Variants in CLASP1 observed in about 807,000 individuals in gnomAD.
CLASP1 encodes CLIP-associating protein 1.
CLASP1 carries 38 observed loss-of-function variants against 192.3 expected under a neutral mutation model. That is an observed-to-expected ratio of 0.20 (90% CI 0.15 to 0.26). The LOEUF is 0.26. Among genes scored for constraint, CLASP1 ranks in the 10% least tolerant of loss-of-function variants. The pLI is 1.00. For synonymous variants in CLASP1, 691 were observed against 712.8 expected, an observed-to-expected ratio of 0.97 and a Z score of 0.49; for missense variants, 1,433 against 1,932.5, an observed-to-expected ratio of 0.74 and a Z score of 4.85.
In CLASP1 at chr2:121,478,983, C is replaced by CCACACACCCCACA. The variant is rs1559370202; in HGVS notation, c.713-9036_713-9024dup. Among the ~76,000 whole-genome samples, 32 of 40,790 alleles carry CCACACACCCCACA rather than the reference C, an allele frequency of 7.8e-4. 1 individual carries two copies. Among genetic ancestry groups the CCACACACCCCACA allele is most frequent in the African/African-American group, 4.2e-3 (28 of 6,718 alleles). 26.8% of individuals were successfully genotyped at this position (40,790 alleles called of 152,430 possible). ...ACACACCACACACACCACACACACA[C>CCACACACCCCACA]CACACACCCCACACACACACCACAC... On this transcript the variant is annotated intron_variant, in intron 8 of 39. Transcript: ENST00000263710.
intron 2 of CLASP1, among the ~76,000 whole-genome samples, chr2:121,562,469 A>G (rs1004659958): frequency 2.6e-5 from 4 of 152,178 alleles, no homozygotes; most frequent in African/African-American, 9.7e-5. Flanking sequence ...GTCATCCAGC[A>G]AAGAACAAAT....
intron 19 of CLASP1, among the ~76,000 whole-genome samples, chr2:121,441,840 G>A (rs1439783661): frequency 6.6e-6 from 1 of 151,994 alleles, no homozygotes; most frequent in Admixed American, 6.6e-5. Flanking sequence ...TTTCCACTGT[G>A]TAAAAAGGAC....
chr2:121,392,220 G>A (rs2074484754), intron 30 of CLASP1, among the ~76,000 whole-genome samples: 1 of 152,086 alleles, frequency 6.6e-6, no homozygotes, highest in Non-Finnish European at 1.5e-5. Context: ...CAAACATACA[G>A]GCATTTTAAA....
exon 12 of CLASP1, chr2:121,460,059 G>A (rs1450439424): frequency 1.2e-6 from 2 of 1,613,486 alleles, no homozygotes; most frequent in East Asian, 2.2e-5. Flanking sequence ...TCCAAAAGAC[G>A]CAAATGTTGA....
chr2:121,439,931 C>T (rs1198293957), intron 19 of CLASP1, among the ~76,000 whole-genome samples: 1 of 90,650 alleles, frequency 1.1e-5, no homozygotes, highest in Non-Finnish European at 2.0e-5. Context: ...CTGGGACTGT[C>T]GTGGGGTGGG....
chr2:121,399,560 C>A (rs980546384), intron 28 of CLASP1, among the ~76,000 whole-genome samples: 17 of 152,192 alleles, frequency 1.1e-4, no homozygotes, highest in African/African-American at 4.1e-4. Flanking sequence ...AAGCAATTCT[C>A]AGCCATCACT....
chr2:121,403,896 T>C (rs915798679), intron 26 of CLASP1: 11 of 444,134 alleles, frequency 2.5e-5, no homozygotes, highest in Non-Finnish European at 4.5e-5. Context: ...TCCTATTTTA[T>C]GAAATAACCT....
intron 19 of CLASP1, among the ~76,000 whole-genome samples, chr2:121,437,710 TC>T (rs1205353756): frequency 2.0e-5 from 3 of 152,348 alleles, no homozygotes; most frequent in African/African-American, 7.2e-5. Flanking sequence ...AACTTTTTGT[TC>T]ACTAATGATG....
exon 39 of CLASP1, chr2:121,347,089 G>A (rs770669074): frequency 4.4e-6 from 7 of 1,587,328 alleles, no homozygotes; most frequent in African/African-American, 2.7e-5. Flanking sequence ...CTCCGATTAC[G>A]GAATAAATTG....
At chr2:121,431,811 T>C (rs1285868119) in intron 19 of CLASP1, among the ~76,000 whole-genome samples, 2 of 152,082 alleles carry the variant, frequency 1.3e-5, no homozygotes, top group Non-Finnish European at 2.9e-5. Context: ...GTTTTACATA[T>C]TTAGAACGTT....
intron 2 of CLASP1, among the ~76,000 whole-genome samples, chr2:121,598,900 C>T (rs966295254): frequency 6.6e-5 from 10 of 152,210 alleles, no homozygotes; most frequent in African/African-American, 2.4e-4. Flanking sequence ...GAGTCTCACT[C>T]TATTGCCCAG....
At chr2:121,639,863 C>CAAAA (rs34338582) in intron 1 of CLASP1, among the ~76,000 whole-genome samples, 1 of 62,406 alleles carries the variant, frequency 1.6e-5, no homozygotes, top group African/African-American at 5.2e-5. Flanking sequence ...AACTCCATCT[C>CAAAA]AAAAAAAAAA....
intron 25 of CLASP1, among the ~76,000 whole-genome samples, chr2:121,404,668 G>A (rs1018614645): frequency 2.0e-5 from 3 of 151,946 alleles, no homozygotes; most frequent in African/African-American, 7.3e-5. Context: ...TACATAATTC[G>A]TATCTACATA....
intron 20 of CLASP1, among the ~76,000 whole-genome samples, chr2:121,427,716 G>T (rs149887188): frequency 2.0e-5 from 3 of 152,292 alleles, no homozygotes; most frequent in African/African-American, 7.2e-5. Context: ...GGAAGTGATT[G>T]TAACTTACTC....
exon 23 of CLASP1, chr2:121,418,681 C>T (rs376555215): frequency 2.6e-5 from 42 of 1,613,764 alleles, no homozygotes; most frequent in Non-Finnish European, 3.2e-5. Context: ...GCTGGTATCG[C>T]GGCTGCACCC....
intron 19 of CLASP1, among the ~76,000 whole-genome samples, chr2:121,439,890 C>G (rs1325305140): frequency 7.5e-6 from 1 of 133,924 alleles, no homozygotes; most frequent in African/African-American, 2.9e-5. Flanking sequence ...ACAATGAGAT[C>G]ACATGGACAC....
chr2:121,588,557 A>G (rs1051411638), intron 2 of CLASP1, among the ~76,000 whole-genome samples: 1 of 152,212 alleles, frequency 6.6e-6, no homozygotes, highest in Non-Finnish European at 1.5e-5. Flanking sequence ...AAACACAGAG[A>G]CATATTATGC....
intron 24 of CLASP1, 190 bp from the exon 26 acceptor site, chr2:121,407,905 C>G: frequency 1.3e-6 from 1 of 762,772 alleles, no homozygotes; most frequent in Non-Finnish European, 2.3e-6. Flanking sequence ...GGTAAATAAG[C>G]AAAGCACTCT....
chr2:121,358,463 G>A (rs755500244), intron 37 of CLASP1, among the ~76,000 whole-genome samples: 1 of 152,150 alleles, frequency 6.6e-6, no homozygotes, highest in Non-Finnish European at 1.5e-5. Flanking sequence ...GGCACCTAAG[G>A]GCCATTCCTG....
Sources: allele counts gnomAD v4.1 joint callset (sites outside exome capture counted in the v4.1 genomes callset), GRCh38; gene constraint gnomAD v4.1.1; transcripts MANE v1.5; gene names NCBI Gene and HGNC (gene_info 2026-07-23, HGNC 2026-07-21).